Variants in ITSN2 observed in about 807,000 individuals in gnomAD.
ITSN2 encodes the protein intersectin 2.
ITSN2 carries 156 observed loss-of-function variants against 243.7 expected under a neutral mutation model. The observed-to-expected ratio is 0.64, with a 90% CI of 0.56 to 0.73. The LOEUF (loss-of-function observed/expected upper bound fraction) is 0.73, where lower values mean the gene tolerates loss of function less well. Among genes scored for constraint, ITSN2 ranks in the 30% least tolerant of loss-of-function variants. The pLI is 0.00. For missense variants in ITSN2, 1,801 were observed against 1,996.1 expected, an observed-to-expected ratio of 0.90 and a Z score of 1.86; for synonymous variants, 703 against 699.9, an observed-to-expected ratio of 1.00 and a Z score of -0.07.
At chr2:24,264,419 C>CTTT (rs1454958332) in intron 20 of ITSN2, among the ~76,000 whole-genome samples, 1 of 10,994 alleles carries the variant, frequency 9.1e-5, no homozygotes, top group Non-Finnish European at 1.9e-4. Context: ...GAAAGAAACA[C>CTTT]TATTTATTAG....
intron 14 of ITSN2, among the ~76,000 whole-genome samples, chr2:24,294,973 C>A (rs1680750476): frequency 6.6e-6 from 1 of 152,184 alleles, no homozygotes; most frequent in Non-Finnish European, 1.5e-5. Flanking sequence ...TCATCGGACA[C>A]TGAATCTGCT....
Position 24,203,685 on chromosome 2 carries a change from TG to T in ITSN2, c.5034del (p.Thr1679ProfsTer72), listed in dbSNP as rs1558415301. On this transcript the variant is annotated frameshift_variant, in exon 40 of 40. Transcript: ENST00000355123. LOFTEE classifies it high-confidence loss of function. ...TCAAAACGGACCCAGACCTCCCCGG[TG>T]GGGACCTCATGCAGCAGCAGTCGGC... ...MTRRLLLHEVPTGEVWVRFDL... is the reference protein window; with the variant it reads ...MTRRLLLHEVXTGEVWVRFDL... 6.2e-7 allele frequency: 1 copy of T among 1,614,160 alleles called. No homozygotes were observed. Among genetic ancestry groups the T allele is most frequent in the South Asian group, 1.1e-5 (1 of 91,082 alleles).
rs1170241134 is a variant in ITSN2 at position 24,303,830 on chromosome 2, T to A, written c.826A>T (p.Asn276Tyr). 4.3e-6 allele frequency: 7 copies of A among 1,610,934 alleles called. No individual in the cohort carries two copies. The highest frequency in any genetic ancestry group is 5.9e-6 in the Non-Finnish European group (7 of 1,177,076). ...FQARNALLQSNLSQTQLATIW... is the reference protein window; with the variant it reads ...FQARNALLQSYLSQTQLATIW... ...GTAGCCAGCTGAGTTTGAGAAAGAT[T>A]TGACTGAAGAAGGGCATTTCTAGCT... The change falls in exon 9 of 40, where the codon AAT (asparagine) becomes TAT (tyrosine). Residue 276 changes from asparagine to tyrosine, a missense_variant. This residue lies in a region of ITSN2 where 787 missense variants were observed against 803.9 expected (regional missense o/e 0.98). Coordinates refer to ENST00000355123, the MANE Select transcript of ITSN2 (RefSeq NM_006277.3).
chr2:24,320,525 CAAAAAAAAAAAAAAAAAAAAAAAAAAA>C (rs113637557), intron 2 of ITSN2, among the ~76,000 whole-genome samples: 5 of 41,524 alleles, frequency 1.2e-4, no homozygotes, highest in Non-Finnish European at 1.2e-4. Flanking sequence ...GACTCCGTCT[CAAAAAAAAAAAAAAAAAAAAAAAAAAA>C]AAAAAAAAAA....
At chr2:24,357,566 C>T (rs1251373637) in intron 1 of ITSN2, among the ~76,000 whole-genome samples, 1 of 151,936 alleles carries the variant, frequency 6.6e-6, no homozygotes, top group East Asian at 1.9e-4. Flanking sequence ...CAAACCTGTA[C>T]GTTCTGCACA....
At position 24,211,597 on chromosome 2, in the gene ITSN2, AG is replaced by A. The variant is rs1388506959; in HGVS notation, c.4090-651del. Among the ~76,000 whole-genome samples the A allele has an allele frequency of 1.3e-5, 2 of 152,166 alleles. No homozygotes were observed. The highest frequency in any genetic ancestry group is 4.8e-5 in the African/African-American group (2 of 41,388). On this transcript the variant is annotated intron_variant, in intron 33 of 39. Coordinates refer to ENST00000355123, the MANE Select transcript of ITSN2 (RefSeq NM_006277.3). This position sits in a 1 kb window ranked among gnomAD's most constrained non-coding sequence, Gnocchi z 4.1. ...CCGTCTGGACTCTCTCACTCTAGTCAGATGAGTGCACAGTCCTTCATTTACA... is the reference window on the plus strand; with the variant it reads ...CCGTCTGGACTCTCTCACTCTAGTCAATGAGTGCACAGTCCTTCATTTACA...
intron 27 of ITSN2, among the ~76,000 whole-genome samples, chr2:24,248,100 G>A (rs1673625788): frequency 6.6e-6 from 1 of 151,964 alleles, no homozygotes; most frequent in Non-Finnish European, 1.5e-5. Flanking sequence ...TAATAGAAGT[G>A]AGAGAAGAAC....
chr2:24,220,036 T>C (rs1427228690), intron 30 of ITSN2, among the ~76,000 whole-genome samples: 5 of 151,890 alleles, frequency 3.3e-5, no homozygotes, highest in Non-Finnish European at 7.4e-5. Flanking sequence ...GCCATATAGT[T>C]TGCATGGGAG....
At chr2:24,346,662 G>C (rs1173219370) in intron 1 of ITSN2, among the ~76,000 whole-genome samples, 1 of 152,010 alleles carries the variant, frequency 6.6e-6, no homozygotes, top group South Asian at 2.1e-4. Context: ...TATGTGTGGG[G>C]TACATGAAGG....
At chr2:24,219,991 C>T (rs1340857288) in intron 30 of ITSN2, among the ~76,000 whole-genome samples, 2 of 152,126 alleles carry the variant, frequency 1.3e-5, no homozygotes, top group South Asian at 2.1e-4. Flanking sequence ...AGCCCACAGG[C>T]GTGCAGTGAA....
At chr2:24,324,675 C>A (rs1184168698) in intron 2 of ITSN2, among the ~76,000 whole-genome samples, 1 of 151,316 alleles carries the variant, frequency 6.6e-6, no homozygotes, top group Non-Finnish European at 1.5e-5. Flanking sequence ...ATAGTGAGAC[C>A]CCTATCTCTA....
chr2:24,347,133 G>A (rs1332955209), intron 1 of ITSN2, among the ~76,000 whole-genome samples: 1 of 151,890 alleles, frequency 6.6e-6, no homozygotes, highest in Non-Finnish European at 1.5e-5. Context: ...AAAGTGCTAG[G>A]ATTACAGGCG....
At chr2:24,258,946 C>A (rs144709810) in intron 22 of ITSN2, among the ~76,000 whole-genome samples, 3 of 152,142 alleles carry the variant, frequency 2.0e-5, no homozygotes, top group Non-Finnish European at 4.4e-5. Flanking sequence ...TTTGTCCAAC[C>A]CTTTTCCCTT....
At position 24,205,278 on chromosome 2, in the gene ITSN2, T is replaced by C; in HGVS notation, c.4698A>G (p.Ser1566=). The C allele has an allele frequency of 6.2e-7, 1 of 1,613,880 alleles. No homozygotes were observed. The highest frequency in any genetic ancestry group is 8.5e-7 in the Non-Finnish European group (1 of 1,179,774). ...CATGCACCATCAGGCGCCCAATGCCTGAAGTCTTTTGGGAGCGGGCTACAA... is the reference window on the plus strand; with the variant it reads ...CATGCACCATCAGGCGCCCAATGCCCGAAGTCTTTTGGGAGCGGGCTACAA... ...KAYQARSQKT[S]GIGRLMVHVI... Residue 1566 remains serine (S), a synonymous_variant, in exon 38 of 40, where the codon TCA becomes TCG. Coordinates refer to ENST00000355123, the MANE Select transcript of ITSN2 (RefSeq NM_006277.3).
At chr2:24,304,471 T>G (rs766388892) in intron 8 of ITSN2, among the ~76,000 whole-genome samples, 2 of 152,212 alleles carry the variant, frequency 1.3e-5, no homozygotes, top group Non-Finnish European at 2.9e-5. Context: ...ATTTTATAAC[T>G]TTTAAAATAT....
chr2:24,320,168 G>A lies in ITSN2; in HGVS notation c.32-4944C>T, dbSNP rs181135781. 7.7e-4 allele frequency among the ~76,000 whole-genome samples: 117 copies of A among 152,172 alleles called. 1 individual carries two copies. Among genetic ancestry groups the A allele is most frequent in the Admixed American group, 6.0e-3 (91 of 15,280 alleles). On this transcript the variant is annotated intron_variant, in intron 2 of 39. Coordinates refer to ENST00000355123, the MANE Select transcript of ITSN2 (RefSeq NM_006277.3). ...GAGGCAGGAGGATCCCTTGAGCTCA[G>A]GAGTTTGAGACCAGCCTGGGCAACA... is the stretch of plus-strand genomic sequence containing the variant.
chr2:24,208,705 C>T (rs985288979), intron 36 of ITSN2, among the ~76,000 whole-genome samples: 1 of 152,188 alleles, frequency 6.6e-6, no homozygotes, highest in Non-Finnish European at 1.5e-5. Flanking sequence ...GGGGATGGCA[C>T]CCACACAAGG....
intron 1 of ITSN2, among the ~76,000 whole-genome samples, chr2:24,357,426 T>C (rs766085030): frequency 1.3e-5 from 2 of 152,046 alleles, no homozygotes; most frequent in African/African-American, 2.4e-5. Flanking sequence ...AGTTGAACAT[T>C]GAGAACACAT....
chr2:24,233,482 T>C (rs1297637941), intron 29 of ITSN2, among the ~76,000 whole-genome samples: 2 of 152,218 alleles, frequency 1.3e-5, no homozygotes, highest in South Asian at 2.1e-4. Context: ...AACTGATGAC[T>C]GTTCTGCTTT....
Sources: gnomAD v4.1 joint callset for allele counts (sites outside exome capture counted in the v4.1 genomes callset) on GRCh38, gnomAD v4.1.1 for gene constraint, gnomAD v4.1.1 regional missense constraint, Gnocchi (gnomAD v3.1) non-coding constraint, MANE v1.5 for transcripts, NCBI Gene and HGNC (gene_info 2026-07-23, HGNC 2026-07-21) for gene names.